FAM180A: variants seen among roughly 807,000 people sequenced by gnomAD.
FAM180A encodes family with sequence similarity 180 member A.
FAM180A carries 14 observed loss-of-function variants against 15.3 expected under a neutral mutation model. The ratio of observed to expected loss-of-function variants is 0.92; its 90% CI spans 0.61 to 1.43. FAM180A has a LOEUF of 1.43. FAM180A is among the 40% of genes most tolerant of loss of function. The probability of loss-of-function intolerance (pLI) is 0.00; values close to 1 mark genes in which losing one functional copy is unlikely to be tolerated. For missense variants in FAM180A, 200 were observed against 220.8 expected (o/e 0.91, Z 0.60); for synonymous variants, 90 against 96.8 (o/e 0.93, Z 0.41).
rs1796882177 is a variant in FAM180A, at chr7:135,737,080, CA to C, written c.177+18del. ...AGTCTTTTGGGTGACTTGGATTGAG[CA>C]TGTTCCCCTCTGCCTACCTCGTAGA... On this transcript the variant is annotated intron_variant, in intron 2 of 3. Transcript: ENST00000338588. 6.3e-7 allele frequency: 1 copy of C among 1,582,960 alleles called. No individual in the cohort carries two copies. Among genetic ancestry groups the C allele is most frequent in the Non-Finnish European group, 8.7e-7 (1 of 1,154,540 alleles).
At chr7:135,743,662 CCT>C (rs1199824666) in intron 1 of FAM180A, among the ~76,000 whole-genome samples, 1 of 152,148 alleles carries the variant, frequency 6.6e-6, no homozygotes, top group Non-Finnish European at 1.5e-5. Flanking sequence ...GACTCTGTAG[CCT>C]CTGTCCTTAC....
rs771955896 is a variant in FAM180A, at chr7:135,732,625, A to G, written c.*329+1021T>C. Among the ~76,000 whole-genome samples, 6 of 151,914 alleles carry G rather than the reference A, an allele frequency of 3.9e-5. 1 individual carries two copies. In the South Asian group the frequency reaches 8.3e-4, roughly 21 times the overall value. On this transcript the variant is annotated intron_variant, in intron 3 of 3. Coordinates refer to ENST00000338588, the MANE Select transcript of FAM180A (RefSeq NM_205855.4). ...GGAGAATCGCTTGAACCCGGGAGGC[A>G]GACACTGCAGCGAGCCGAGATAGTG...
intron 1 of FAM180A, among the ~76,000 whole-genome samples, chr7:135,744,799 T>TCC (rs1331281521): frequency 6.6e-6 from 1 of 152,174 alleles, no homozygotes; most frequent in Admixed American, 6.5e-5. Flanking sequence ...CTCTCCAATT[T>TCC]TCTAACCTGT....
rs1796827742 is a variant in FAM180A, at chr7:135,733,832, C to T, written c.*143G>A. 2 of 1,402,406 alleles carry T rather than the reference C, an allele frequency of 1.4e-6. No homozygotes were observed. The highest frequency in any genetic ancestry group is 3.4e-5 in the South Asian group (2 of 58,684). 86.9% of individuals were successfully genotyped at this position (1,402,406 alleles called of 1,614,324 possible). A position where few individuals can be genotyped will look rare whatever the true frequency, so the allele number is the denominator to read the frequency against. Reference sequence around the variant, plus strand: ...CCAGGAAACTACAAGGAGAAAAGAGCATCGGGGTTACTGTTTGATCTCTGC... The same window carrying T: ...CCAGGAAACTACAAGGAGAAAAGAGTATCGGGGTTACTGTTTGATCTCTGC... On this transcript the variant is annotated 3_prime_UTR_variant, in exon 3 of 4. Coordinates refer to ENST00000338588, the MANE Select transcript of FAM180A (RefSeq NM_205855.4).
chr7:135,747,370 A>G (rs1031559544), intron 1 of FAM180A, among the ~76,000 whole-genome samples: 12 of 152,182 alleles, frequency 7.9e-5, no homozygotes, highest in Admixed American at 7.9e-4. Context: ...GAGAAAAATG[A>G]AGAATGCTGT....
chr7:135,747,241 T>C (rs191640016), intron 1 of FAM180A, among the ~76,000 whole-genome samples: 195 of 152,138 alleles, frequency 1.3e-3, no homozygotes, highest in African/African-American at 4.1e-3. Context: ...TCAAAACATC[T>C]CATAGGCCCC....
In FAM180A at chr7:135,734,075, T is replaced by C; in HGVS notation, c.422A>G (p.His141Arg). The C allele has an allele frequency of 6.2e-7, 1 of 1,614,226 alleles. No homozygotes were observed. The highest frequency in any genetic ancestry group is 8.5e-7 in the Non-Finnish European group (1 of 1,180,048). ...AYTAYRTALS[H>R]GHQKDIWAQS... is the part of the protein sequence containing the mutation. ...CGCCCAGATGTCCTTCTGATGGCCGTGGGACAGGGCTGTGCGGTAGGCTGT... is the reference window on the plus strand; with the variant it reads ...CGCCCAGATGTCCTTCTGATGGCCGCGGGACAGGGCTGTGCGGTAGGCTGT... The change falls in exon 3 of 4, where the codon CAC (histidine) becomes CGC (arginine). Residue 141 changes from histidine (H) to arginine (R), a missense_variant. His to Arg is a conservative substitution (Grantham distance 29, BLOSUM62 0). Coordinates refer to ENST00000338588, the MANE Select transcript of FAM180A (RefSeq NM_205855.4).
At chr7:135,746,517 C>T (rs373705990) in intron 1 of FAM180A, among the ~76,000 whole-genome samples, 1 of 152,172 alleles carries the variant, frequency 6.6e-6, no homozygotes, top group African/African-American at 2.4e-5. Context: ...TAAACCAGGA[C>T]CCTTGCAGAG....
rs1434759581 is a variant in FAM180A, at chr7:135,733,956, C to G, written c.*19G>C. ...ACTGTGCTGGTCCCTGCTCTGAGGT[C>G]CTGGTGTGGGCCAGTCTCTCAGGGA... On this transcript the variant is annotated 3_prime_UTR_variant, in exon 3 of 4. Transcript: ENST00000338588. 6.4e-7 allele frequency: 1 copy of G among 1,566,790 alleles called. No homozygotes were observed. The highest frequency in any genetic ancestry group is 8.6e-7 in the Non-Finnish European group (1 of 1,156,406).
intron 1 of FAM180A, among the ~76,000 whole-genome samples, chr7:135,742,914 A>G (rs140585611): frequency 6.6e-6 from 1 of 152,308 alleles, no homozygotes; most frequent in Non-Finnish European, 1.5e-5. Context: ...GGCTGGGATT[A>G]AAATCCAGAT....
chr7:135,734,000 G>A lies in FAM180A; in HGVS notation c.497C>T (p.Ser166Phe). The change falls in exon 3 of 4, where the codon TCC (serine) becomes TTC (phenylalanine). Residue 166 changes from serine (S) to phenylalanine (F), a missense_variant. Coordinates refer to ENST00000338588, the MANE Select transcript of FAM180A (RefSeq NM_205855.4). Reference sequence around the variant, plus strand: ...TCAGGGAGGTACTCCCGGCTGTGAGGAGCGCATCAAGTCGTGCCTCAGGGC... The same window carrying A: ...TCAGGGAGGTACTCCCGGCTGTGAGAAGCGCATCAAGTCGTGCCTCAGGGC... ...FQALRHDLMR[S>F]SQPGVPP is the part of the protein sequence containing the mutation. 2 of 1,610,354 alleles carry A rather than the reference G, an allele frequency of 1.2e-6. No homozygotes were observed. The highest frequency in any genetic ancestry group is 2.2e-5 in the East Asian group (1 of 44,836).
intron 1 of FAM180A, among the ~76,000 whole-genome samples, chr7:135,744,431 G>A (rs565052069): frequency 1.0e-3 from 156 of 152,336 alleles, no homozygotes; most frequent in African/African-American, 3.6e-3. Flanking sequence ...AAAAGCTCTC[G>A]TTTGTAAAAG....
At chr7:135,732,094 C>T (rs1796791466) in intron 3 of FAM180A, among the ~76,000 whole-genome samples, 1 of 152,210 alleles carries the variant, frequency 6.6e-6, no homozygotes, top group Admixed American at 6.5e-5. Flanking sequence ...AGAATTATAA[C>T]AAACCTGGCT....
intron 1 of FAM180A, among the ~76,000 whole-genome samples, chr7:135,739,481 A>G (rs1796915998): frequency 1.4e-5 from 2 of 145,898 alleles, no homozygotes; most frequent in South Asian, 4.5e-4. Flanking sequence ...GTGTGGTGGC[A>G]GGCGCCCGTA....
intron 3 of FAM180A, among the ~76,000 whole-genome samples, chr7:135,730,784 GT>G (rs1242751559): frequency 1.3e-5 from 2 of 152,108 alleles, no homozygotes; most frequent in Admixed American, 1.3e-4. Flanking sequence ...AAAGAATAGG[GT>G]TTTTTGGCTG....
At chr7:135,743,218 CTTTTTTTT>C (rs10605354) in intron 1 of FAM180A, among the ~76,000 whole-genome samples, 1 of 113,202 alleles carries the variant, frequency 8.8e-6, no homozygotes. Context: ...CTCATTGTTC[CTTTTTTTT>C]TTTTTTTTTT....
rs1329114814 is a variant in FAM180A at position 135,748,621 on chromosome 7, T to C, written c.-41A>G. ...GTGAAAAATCGACCCTCAAGCCCAG[T>C]GGAACCCCAGTAGCTGCAGGTATGC... On this transcript the variant is annotated 5_prime_UTR_variant, in exon 1 of 4. Coordinates refer to ENST00000338588, the MANE Select transcript of FAM180A (RefSeq NM_205855.4). 2 of 1,502,816 alleles carry C rather than the reference T, an allele frequency of 1.3e-6. No homozygotes were observed. The highest frequency in any genetic ancestry group is 1.9e-6 in the Non-Finnish European group (2 of 1,078,872). The allele number at this position is 1,502,816 out of a possible 1,614,324, so 93.1% of individuals were successfully genotyped here.
At chr7:135,747,664 T>C (rs541854409) in intron 1 of FAM180A, among the ~76,000 whole-genome samples, 2 of 152,268 alleles carry the variant, frequency 1.3e-5, no homozygotes, top group South Asian at 2.1e-4. Context: ...TAGAAACACC[T>C]ACTGGCCTGA....
intron 3 of FAM180A, among the ~76,000 whole-genome samples, chr7:135,732,697 A>T (rs1468469088): frequency 5.0e-5 from 1 of 19,940 alleles, no homozygotes; most frequent in East Asian, 1.6e-3. Flanking sequence ...CATCACACAC[A>T]CACACACACA....
Sources: allele counts gnomAD v4.1 joint callset (sites outside exome capture counted in the v4.1 genomes callset), GRCh38; gene constraint gnomAD v4.1.1; transcripts MANE v1.5; gene names NCBI Gene and HGNC (gene_info 2026-07-23, HGNC 2026-07-21).